Variants in CELSR2 observed in about 807,000 individuals in gnomAD.
CELSR2 encodes EGF-like protein 2.
In CELSR2, 81 loss-of-function variants were observed where a neutral mutation model predicts 251.6. The observed-to-expected ratio is 0.32, with a 90% CI of 0.27 to 0.39. The LOEUF is 0.39. Among genes scored for constraint, CELSR2 ranks in the 10% least tolerant of loss-of-function variants. The pLI, the probability that CELSR2 is intolerant of heterozygous loss-of-function variation, is 1.00. For synonymous variants in CELSR2, 1,721 were observed against 1,670.5 expected (o/e 1.03, Z -0.74); for missense variants, 3,365 against 3,947.7 (o/e 0.85, Z 3.96).
chr1:109,250,353 G>A lies in CELSR2; in HGVS notation c.274G>A (p.Val92Ile). 1 of 1,613,546 alleles carries A rather than the reference G, an allele frequency of 6.2e-7. No individual in the cohort carries two copies. The highest frequency in any genetic ancestry group is 2.2e-5 in the East Asian group (1 of 44,876). Reference sequence around the variant, plus strand: ...GGTACCCCACCACGATGGCCTGAGGGTTTGGTGTCCAGAATCCGAGGCCCA... The same window carrying A: ...GGTACCCCACCACGATGGCCTGAGGATTTGGTGTCCAGAATCCGAGGCCCA... ...HLVPHHDGLRVWCPESEAHIP... is the reference protein window; with the variant it reads ...HLVPHHDGLRIWCPESEAHIP... Residue 92 changes from valine to isoleucine, a missense_variant, in exon 1 of 34, where the codon GTT (valine) becomes ATT (isoleucine). Physicochemically the swap from Val to Ile is conservative, Grantham distance 29. This residue lies in a region of CELSR2 where 704 missense variants were observed against 784.1 expected (regional missense o/e 0.90). Coordinates refer to ENST00000271332, the MANE Select transcript of CELSR2 (RefSeq NM_001408.3). This position sits in a 1 kb window ranked among gnomAD's most constrained non-coding sequence, Gnocchi z 4.4.
intron 23 of CELSR2, 86 bp downstream of exon 23, chr1:109,270,219 A>G: frequency 7.0e-7 from 1 of 1,427,316 alleles, no homozygotes; most frequent in Non-Finnish European, 9.8e-7. Flanking sequence ...CTCCTGCACC[A>G]TGAACTCTAA....
chr1:109,272,517 G>A (rs2101283017), intron 29 of CELSR2, 112 bp downstream of exon 29: 3 of 1,503,898 alleles, frequency 2.0e-6, no homozygotes, highest in Non-Finnish European at 2.7e-6. Context: ...TGACGTGGGG[G>A]CCAGCTTGGA....
chr1:109,260,500 T>C (rs1032895972), intron 2 of CELSR2, among the ~76,000 whole-genome samples: 3 of 151,948 alleles, frequency 2.0e-5, no homozygotes, highest in Admixed American at 6.6e-5. Context: ...CCCAGACAAA[T>C]CTAAGTGGAA....
chr1:109,262,204 C>A, intron 5 of CELSR2, 83 bp from the exon 6 acceptor site: 1 of 1,547,346 alleles, frequency 6.5e-7, no homozygotes, highest in Non-Finnish European at 8.8e-7. Context: ...TGGGTGCACA[C>A]AGAGGCACCC....
At position 109,264,943 on chromosome 1, in the gene CELSR2, C is replaced by G. The variant is rs1320149844; in HGVS notation, c.5540C>G (p.Pro1847Arg). 1 of 1,614,052 alleles carries G rather than the reference C, an allele frequency of 6.2e-7. No homozygotes were observed. Among genetic ancestry groups the G allele is most frequent in the East Asian group, 2.2e-5 (1 of 44,902 alleles). ...CEHQSVCTRK[P>R]SAPHGYTCEC... ...CACCAGTCTGTGTGTACCCGCAAGC[C>G]CAGTGCCCCCCATGGCTATACCTGC... is the stretch of plus-strand genomic sequence containing the variant. The change falls in exon 12 of 34, where the codon CCC becomes CGC. Residue 1847 changes from proline (P) to arginine (R), a missense_variant. Coordinates refer to ENST00000271332, the MANE Select transcript of CELSR2 (RefSeq NM_001408.3).
Position 109,251,556 on chromosome 1 carries a change from G to C in CELSR2, c.1477G>C (p.Val493Leu). The C allele has an allele frequency of 6.2e-7, 1 of 1,613,736 alleles. No homozygotes were observed. Among genetic ancestry groups the C allele is most frequent in the South Asian group, 1.1e-5 (1 of 91,078 alleles). ...CTCTAATGTCTCTGGCTTGGTGACA[G>C]TACAGGTCCTGGATATCAACGACAA... The part of the protein sequence containing the change: ...PLSNVSGLVT[V>L]QVLDINDNAP... The change falls in exon 1 of 34, where the codon GTA becomes CTA. Residue 493 changes from valine (V) to leucine (L), a missense_variant. Around this residue, in one of 5 missense-constraint regions of CELSR2, gnomAD observed 704 missense variants for 784.1 expected, o/e 0.90. Coordinates refer to ENST00000271332, the MANE Select transcript of CELSR2 (RefSeq NM_001408.3). This position sits in a 1 kb window ranked among gnomAD's most constrained non-coding sequence, Gnocchi z 4.9.
Position 109,269,874 on chromosome 1 carries a change from G to T in CELSR2, c.7107+54G>T, listed in dbSNP as rs1374187824. 1.1e-5 allele frequency: 17 copies of T among 1,613,372 alleles called. No individual in the cohort carries two copies. The highest frequency in any genetic ancestry group is 1.4e-5 in the Non-Finnish European group (17 of 1,179,694). ...CGTGGGTGGGCACCCAGGGCACGGG[G>T]CTGGGTGCTCAGGTCCTGCCCTTCC... is the stretch of plus-strand genomic sequence containing the variant. On this transcript the variant is annotated intron_variant, in intron 22 of 33. Transcript: ENST00000271332. The surrounding 1 kb of genome is among the most constrained non-coding windows in gnomAD (Gnocchi z 6.4).
In CELSR2 at chr1:109,266,179, G is replaced by C; in HGVS notation, c.5986G>C (p.Ala1996Pro). ...WPRTRFGLPA[A>P]APCPKGSFGT... ...CCGTACCCGCTTCGGGCTGCCTGCTGCTGCTCCCTGTCCCAAAGGCTCCTT... is the reference window on the plus strand; with the variant it reads ...CCGTACCCGCTTCGGGCTGCCTGCTCCTGCTCCCTGTCCCAAAGGCTCCTT... The change falls in exon 15 of 34, where the codon GCT (alanine) becomes CCT (proline). Residue 1996 changes from alanine to proline, a missense_variant. Physicochemically the swap from Ala to Pro is conservative, Grantham distance 27 (BLOSUM62 -1). Transcript: ENST00000271332. 6.2e-7 allele frequency: 1 copy of C among 1,614,156 alleles called. No homozygotes were observed. Among genetic ancestry groups the C allele is most frequent in the African/African-American group, 1.3e-5 (1 of 75,052 alleles).
In CELSR2 at chr1:109,251,739, A is replaced by G. The variant is rs1395224829; in HGVS notation, c.1660A>G (p.Thr554Ala). The G allele has an allele frequency of 2.5e-6, 4 of 1,613,518 alleles. No individual in the cohort carries two copies. The highest frequency in any genetic ancestry group is 2.5e-6 in the Non-Finnish European group (3 of 1,179,886). The change falls in exon 1 of 34, where the codon ACC becomes GCC. Residue 554 changes from threonine to alanine, a missense_variant. Around this residue, in one of 5 missense-constraint regions of CELSR2, gnomAD observed 704 missense variants for 784.1 expected, o/e 0.90. Coordinates refer to ENST00000271332, the MANE Select transcript of CELSR2 (RefSeq NM_001408.3). This position sits in a 1 kb window ranked among gnomAD's most constrained non-coding sequence, Gnocchi z 4.9. Reference sequence around the variant, plus strand: ...TGGGGTGGGACATGACTTCCCCTTCACCATCAACAATGGCACAGGCTGGAT... The same window carrying G: ...TGGGGTGGGACATGACTTCCCCTTCGCCATCAACAATGGCACAGGCTGGAT... ...LAGVGHDFPF[T>A]INNGTGWISV...
chr1:109,269,372 C>G lies in CELSR2; in HGVS notation c.6813-52C>G, dbSNP rs1160123636. 3.7e-6 allele frequency: 6 copies of G among 1,609,772 alleles called. No homozygotes were observed. Among genetic ancestry groups the G allele is most frequent in the Non-Finnish European group, 5.1e-6 (6 of 1,177,670 alleles). On this transcript the variant is annotated intron_variant, in intron 20 of 33. Coordinates refer to ENST00000271332, the MANE Select transcript of CELSR2 (RefSeq NM_001408.3). This position sits in a 1 kb window ranked among gnomAD's most constrained non-coding sequence, Gnocchi z 6.4. The stretch of plus-strand genomic sequence containing the variant: ...GGCATGGAGGGGGTCGGGGGCGTCT[C>G]CCCAGTCATGTGACTGCCGTGGTGA...
Position 109,269,062 on chromosome 1 carries a change from C to T in CELSR2, c.6632-48C>T, listed in dbSNP as rs1407606719. On this transcript the variant is annotated intron_variant, in intron 19 of 33. Transcript: ENST00000271332. The surrounding 1 kb of genome is among the most constrained non-coding windows in gnomAD (Gnocchi z 6.4). Reference sequence around the variant, plus strand: ...AGCTGGACCCCAGTGTCTGTGCAGACTCCACAGAGAGCAGGGCCCAGCTAA... The same window carrying T: ...AGCTGGACCCCAGTGTCTGTGCAGATTCCACAGAGAGCAGGGCCCAGCTAA... 1.3e-6 allele frequency: 2 copies of T among 1,598,884 alleles called. No homozygotes were observed. Among genetic ancestry groups the T allele is most frequent in the Non-Finnish European group, 1.7e-6 (2 of 1,169,700 alleles).
intron 1 of CELSR2, among the ~76,000 whole-genome samples, chr1:109,258,060 G>C (rs2101245472): frequency 6.6e-6 from 1 of 152,222 alleles, no homozygotes; most frequent in South Asian, 2.1e-4. Context: ...GAGGGGGCAG[G>C]GGGATGATTT....
At chr1:109,258,172 C>G (rs780903157) in intron 1 of CELSR2, among the ~76,000 whole-genome samples, 1 of 152,078 alleles carries the variant, frequency 6.6e-6, no homozygotes, top group African/African-American at 2.4e-5. Context: ...GGAGCAGGAG[C>G]GGTGGCTTGG....
chr1:109,268,461 G>A, intron 17 of CELSR2, 120 bp from the exon 18 acceptor site: 1 of 1,322,360 alleles, frequency 7.6e-7, no homozygotes, highest in Non-Finnish European at 1.0e-6. Context: ...AGGCAACAGT[G>A]AGCACAGAGG....
chr1:109,258,837 A>G lies in CELSR2; in HGVS notation c.3716A>G (p.Asn1239Ser). 1 of 1,612,486 alleles carries G rather than the reference A, an allele frequency of 6.2e-7. No individual in the cohort carries two copies. The highest frequency in any genetic ancestry group is 8.5e-7 in the Non-Finnish European group (1 of 1,179,420). The change falls in exon 2 of 34, where the codon AAC becomes AGC. Residue 1239 changes from asparagine (N) to serine (S), a missense_variant. By Grantham distance (46) the Asn-to-Ser change is conservative. This residue lies in a region of CELSR2 where 2,093 missense variants were observed against 2,382.8 expected (regional missense o/e 0.88). Transcript: ENST00000271332. ...DNICLREPCE[N>S]YMRCVSVLRF... ...ATCTGCCTGCGGGAGCCCTGCGAGA[A>G]CTACATGCGCTGCGTGTCGGTGCTG...
In CELSR2 at chr1:109,271,733, CA is replaced by C. The variant is rs1557737478; in HGVS notation, c.7926+12del. Reference sequence around the variant, plus strand: ...TCCACCCTGACCTCGGTGAGGGAGCCAGGGGTCTCAGGAGGGCGGTGAAGGG... The same window carrying C: ...TCCACCCTGACCTCGGTGAGGGAGCCGGGGTCTCAGGAGGGCGGTGAAGGG... On this transcript the variant is annotated intron_variant, in intron 28 of 33. Transcript: ENST00000271332. The C allele has an allele frequency of 3.1e-6, 5 of 1,613,206 alleles. No homozygotes were observed. The South Asian group carries it at 5.5e-5, about 18-fold the overall frequency.
Position 109,271,664 on chromosome 1 carries a change from C to T in CELSR2, c.7868C>T (p.Ala2623Val), listed in dbSNP as rs1170208640. Residue 2623 changes from alanine to valine, a missense_variant, in exon 28 of 34, where the codon GCC (alanine) becomes GTC (valine). Around this residue, in one of 5 missense-constraint regions of CELSR2, gnomAD observed 2,093 missense variants for 2,382.8 expected, o/e 0.88. Transcript: ENST00000271332. ...GAGGTCCGGAAAGCACTCAAGCTTG[C>T]CTGCAGCCGCAAGCCCAGCCCTGAC... Reference protein sequence around the residue: ...SKEVRKALKLACSRKPSPDPA... With the variant: ...SKEVRKALKLVCSRKPSPDPA... The T allele has an allele frequency of 6.2e-7, 1 of 1,614,018 alleles. No individual in the cohort carries two copies. Among genetic ancestry groups the T allele is most frequent in the Non-Finnish European group, 8.5e-7 (1 of 1,180,040 alleles).
rs747903290 is a variant in CELSR2 at position 109,263,205 on chromosome 1, A to G, written c.4772A>G (p.Asn1591Ser). The G allele has an allele frequency of 6.3e-7, 1 of 1,599,044 alleles. No homozygotes were observed. The highest frequency in any genetic ancestry group is 1.1e-5 in the South Asian group (1 of 90,706). ...TGCCACAATGGGGGCACTTGCGTGA[A>G]CCAGTGGGACGCGTTCAGCTGCGAG... Reference protein sequence around the residue: ...NTCHNGGTCVNQWDAFSCECP... With the variant: ...NTCHNGGTCVSQWDAFSCECP... The change falls in exon 8 of 34, where the codon AAC (asparagine) becomes AGC (serine). Residue 1591 changes from asparagine (N) to serine (S), a missense_variant. Transcript: ENST00000271332.
At position 109,274,242 on chromosome 1, in the gene CELSR2, C is replaced by G. The variant is rs897232505; in HGVS notation, c.*193C>G. The G allele has an allele frequency of 3.9e-6, 5 of 1,283,052 alleles. No homozygotes were observed. The African/African-American group carries it at 7.0e-5, about 18-fold the overall frequency. 79.5% of individuals were successfully genotyped at this position (1,283,052 alleles called of 1,614,324 possible). ...CACCTAAGGCCATCTAGTGCCAACT[C>G]CCCCCCCACCATTCCCCTCACTGCA... On this transcript the variant is annotated 3_prime_UTR_variant, in exon 34 of 34. Transcript: ENST00000271332.
Sources: gnomAD v4.1 joint callset for allele counts (sites outside exome capture counted in the v4.1 genomes callset) on GRCh38, gnomAD v4.1.1 for gene constraint, gnomAD v4.1.1 regional missense constraint, Gnocchi (gnomAD v3.1) non-coding constraint, MANE v1.5 for transcripts, NCBI Gene and HGNC (gene_info 2026-07-23, HGNC 2026-07-21) for gene names.